SEMA5A: variants seen among roughly 807,000 people sequenced by gnomAD.
SEMA5A encodes the protein semaphorin-5A.
SEMA5A carries 55 observed loss-of-function variants against 135.5 expected under a neutral mutation model. The observed-to-expected ratio is 0.41, with a 90% confidence interval of 0.33 to 0.51. The LOEUF is 0.51. Ranked by LOEUF, SEMA5A falls within the 20% of genes least tolerant of loss-of-function variation. The pLI, the probability that SEMA5A is intolerant of heterozygous loss-of-function variation, is 0.37. For missense variants in SEMA5A, 1,290 were observed against 1,419.9 expected, an observed-to-expected ratio of 0.91 and a Z score of 1.47; for synonymous variants, 580 against 546.5, an observed-to-expected ratio of 1.06 and a Z score of -0.85.
chr5:9,456,408 A>G (rs1451604739), intron 1 of SEMA5A, among the ~76,000 whole-genome samples: 1 of 152,216 alleles, frequency 6.6e-6, no homozygotes, highest in Admixed American at 6.5e-5. Flanking sequence ...ACAAAACACA[A>G]CAAAACAAGA....
intron 8 of SEMA5A, among the ~76,000 whole-genome samples, chr5:9,210,696 A>C (rs1216983090): frequency 2.0e-5 from 3 of 152,202 alleles, no homozygotes; most frequent in Non-Finnish European, 4.4e-5. Context: ...TCAGGTATGC[A>C]TCAGGTATGG....
rs1755661747 is a variant in SEMA5A, at chr5:9,382,549, A to G, written c.-77-2526T>C. ...TGAGTCAAACAAATGGGGAGGAAGGAAAAGACATGATAATTGAAATTTTGA... is the reference window on the plus strand; with the variant it reads ...TGAGTCAAACAAATGGGGAGGAAGGGAAAGACATGATAATTGAAATTTTGA... On this transcript the variant is annotated intron_variant, in intron 2 of 22. Coordinates refer to ENST00000382496, the MANE Select transcript of SEMA5A (RefSeq NM_003966.3). Among the ~76,000 whole-genome samples, 4 of 152,176 alleles carry G rather than the reference A, an allele frequency of 2.6e-5. No homozygotes were observed. In the South Asian group the frequency reaches 8.3e-4, roughly 31 times the overall value.
At chr5:9,318,592 A>G (rs1352100657) in intron 4 of SEMA5A, among the ~76,000 whole-genome samples, 175 bp from the exon 5 acceptor site, 1 of 152,202 alleles carries the variant, frequency 6.6e-6, no homozygotes, top group African/African-American at 2.4e-5. Context: ...GGAATTCAAG[A>G]GGTCAACAAA....
chr5:9,480,257 T>C (rs182198873), intron 1 of SEMA5A, among the ~76,000 whole-genome samples: 8 of 152,322 alleles, frequency 5.3e-5, no homozygotes, highest in Non-Finnish European at 1.0e-4. Flanking sequence ...CAAAAAAATA[T>C]ATTTTTGAGG....
At chr5:9,347,901 T>C (rs972569719) in intron 3 of SEMA5A, among the ~76,000 whole-genome samples, 3 of 152,232 alleles carry the variant, frequency 2.0e-5, no homozygotes, top group Admixed American at 2.0e-4. Context: ...ATTACCATCT[T>C]GTAACCAATT....
At chr5:9,315,730 A>T (rs769512163) in intron 5 of SEMA5A, among the ~76,000 whole-genome samples, 9 of 152,190 alleles carry the variant, frequency 5.9e-5, no homozygotes, top group Admixed American at 1.3e-4. Flanking sequence ...TATCAAGGAC[A>T]TCTTGCTGCG....
intron 17 of SEMA5A, among the ~76,000 whole-genome samples, chr5:9,063,782 G>T (rs752476646): frequency 1.3e-5 from 2 of 152,188 alleles, no homozygotes; most frequent in African/African-American, 2.4e-5. Flanking sequence ...GCAGCAGGTG[G>T]GCTGTGGGGT....
chr5:9,169,126 G>C (rs1469660224), intron 11 of SEMA5A, among the ~76,000 whole-genome samples: 2 of 152,112 alleles, frequency 1.3e-5, no homozygotes, highest in Non-Finnish European at 2.9e-5. Context: ...AATTTGCCAA[G>C]AGAGTAGATT....
chr5:9,147,698 G>A (rs570959483), intron 12 of SEMA5A, among the ~76,000 whole-genome samples: 4 of 120,854 alleles, frequency 3.3e-5, no homozygotes, highest in African/African-American at 1.3e-4. Context: ...CCCCCAATTA[G>A]TTCATTAAGC....
intron 11 of SEMA5A, among the ~76,000 whole-genome samples, chr5:9,163,235 GAA>G (rs910737899): frequency 2.0e-5 from 3 of 149,386 alleles, no homozygotes; most frequent in African/African-American, 7.4e-5. Flanking sequence ...AACAGACGAT[GAA>G]AAAAAACCTT....
At position 9,545,534 on chromosome 5, in the gene SEMA5A, G is replaced by A. The variant is rs947528701; in HGVS notation, c.-175+50C>T. 1 of 152,242 alleles carries A rather than the reference G, an allele frequency of 6.6e-6. No homozygotes were observed. The highest frequency in any genetic ancestry group is 2.4e-5 in the African/African-American group (1 of 41,432). 9.4% of individuals were successfully genotyped at this position (152,242 alleles called of 1,614,324 possible). ...CAGCGGCGCGGCGCGGCGCGGCGCG[G>A]TCAGGGGCTCCTGCCAAGGCCACGC... On this transcript the variant is annotated intron_variant, in intron 1 of 22. Transcript: ENST00000382496. The surrounding 1 kb of genome is among the most constrained non-coding windows in gnomAD (Gnocchi z 4.5).
At chr5:9,114,070 T>A (rs186174675) in intron 15 of SEMA5A, among the ~76,000 whole-genome samples, 4 of 152,296 alleles carry the variant, frequency 2.6e-5, no homozygotes, top group African/African-American at 9.6e-5. Context: ...ATGAAAATAA[T>A]GGATAAACAA....
At chr5:9,234,874 G>A (rs970206038) in intron 6 of SEMA5A, among the ~76,000 whole-genome samples, 3 of 152,090 alleles carry the variant, frequency 2.0e-5, no homozygotes, top group Non-Finnish European at 4.4e-5. Context: ...GTGTAGTAAC[G>A]ATTGGTCTCC....
chr5:9,044,456 G>A lies in SEMA5A; in HGVS notation c.3022C>T (p.Pro1008Ser), dbSNP rs756569588. The A allele has an allele frequency of 6.2e-7, 1 of 1,613,966 alleles. No individual in the cohort carries two copies. Among genetic ancestry groups the A allele is most frequent in the Non-Finnish European group, 8.5e-7 (1 of 1,179,996 alleles). ...GTATTAAGGGGGGCAGGTGAGACGGGGTGGATGACAGTCGCATCGTGGGAT... is the reference window on the plus strand; with the variant it reads ...GTATTAAGGGGGGCAGGTGAGACGGAGTGGATGACAGTCGCATCGTGGGAT... ...QQSHDATVIH[P>S]VSPAPLNTSI... The change falls in exon 22 of 23, where the codon CCC (proline) becomes TCC (serine). Residue 1008 changes from proline to serine, a missense_variant. Coordinates refer to ENST00000382496, the MANE Select transcript of SEMA5A (RefSeq NM_003966.3).
chr5:9,177,313 G>A (rs1379799195), intron 11 of SEMA5A, among the ~76,000 whole-genome samples: 1 of 152,190 alleles, frequency 6.6e-6, no homozygotes, highest in Non-Finnish European at 1.5e-5. Flanking sequence ...AATGAAGGTA[G>A]AGGACAAGAT....
At chr5:9,264,570 C>T (rs40708) in intron 5 of SEMA5A, among the ~76,000 whole-genome samples, 14,605 of 152,090 alleles carry the variant, frequency 0.096, 854 homozygotes, top group East Asian at 0.24. Flanking sequence ...GAAGAAAATG[C>T]CCTACAGTTC....
intron 1 of SEMA5A, among the ~76,000 whole-genome samples, chr5:9,535,392 A>G (rs77955284): frequency 0.054 from 8,279 of 152,214 alleles, 311 homozygotes; most frequent in South Asian, 0.1. Context: ...GAAAGCTGCA[A>G]CAGCCAAGAT....
intron 2 of SEMA5A, among the ~76,000 whole-genome samples, chr5:9,417,979 T>C (rs1468759722): frequency 5.2e-5 from 1 of 19,230 alleles, no homozygotes; most frequent in Non-Finnish European, 1.5e-4. Flanking sequence ...GTGTCTCTTC[T>C]TTTTTTTTTT....
chr5:9,078,100 T>C (rs1738169124), intron 16 of SEMA5A, among the ~76,000 whole-genome samples: 1 of 152,234 alleles, frequency 6.6e-6, no homozygotes, highest in Non-Finnish European at 1.5e-5. Context: ...ATTGTCTCAC[T>C]GTAATGCCTT....
Sources: allele counts gnomAD v4.1 joint callset (sites outside exome capture counted in the v4.1 genomes callset), GRCh38; gene constraint gnomAD v4.1.1; non-coding constraint Gnocchi (gnomAD v3.1); transcripts MANE v1.5; gene names NCBI Gene and HGNC (gene_info 2026-07-23, HGNC 2026-07-21).